Variants in ARK2C observed in about 807,000 individuals in gnomAD.
ARK2C encodes arkadia (RNF111) C-terminal like ring finger ubiquitin ligase 2C.
At chr18:46,445,899 A>G in the ARK2C span, among the ~76,000 whole-genome samples, 1 of 63,682 alleles carries the variant, frequency 1.6e-5, no homozygotes, top group Admixed American at 1.3e-4. Context: ...ACTTCTCCAT[A>G]TCCTTTTTTT....
At chr18:46,446,834 C>T in the ARK2C span, among the ~76,000 whole-genome samples, 3 of 152,040 alleles carry the variant, frequency 2.0e-5, no homozygotes, top group African/African-American at 7.2e-5. Context: ...TTATTCTTGT[C>T]AACCTGCACA....
chr18:46,454,432 G>A, the ARK2C span, among the ~76,000 whole-genome samples: 4 of 152,104 alleles, frequency 2.6e-5, no homozygotes, highest in Admixed American at 2.0e-4. Flanking sequence ...ACAATTATAC[G>A]GGACTATGGA....
the ARK2C span, among the ~76,000 whole-genome samples, chr18:46,428,366 G>A: frequency 6.6e-6 from 1 of 152,166 alleles, no homozygotes; most frequent in East Asian, 1.9e-4. Context: ...CTGAGATCGT[G>A]CCACTGCACT....
the ARK2C span, among the ~76,000 whole-genome samples, chr18:46,420,798 T>C: frequency 6.6e-6 from 1 of 151,554 alleles, no homozygotes; most frequent in East Asian, 1.9e-4. Context: ...TGAGCCTAGA[T>C]CGCATCATTG....
the ARK2C span, among the ~76,000 whole-genome samples, chr18:46,381,493 C>T: frequency 2.0e-5 from 3 of 152,160 alleles, no homozygotes; most frequent in Non-Finnish European, 4.4e-5. Flanking sequence ...TTCTCACGGT[C>T]CTTCTATTTC....
chr18:46,444,904 T>A, the ARK2C span, among the ~76,000 whole-genome samples: 1 of 152,186 alleles, frequency 6.6e-6, no homozygotes, highest in African/African-American at 2.4e-5. Flanking sequence ...AGAAGTTCCA[T>A]TGGCATCATT....
the ARK2C span, among the ~76,000 whole-genome samples, chr18:46,355,932 A>G: frequency 6.6e-6 from 1 of 152,294 alleles, no homozygotes; most frequent in Admixed American, 6.5e-5. Context: ...ATGATGATGC[A>G]GATGGGCCTC....
chr18:46,442,329 C>G, the ARK2C span, among the ~76,000 whole-genome samples: 3 of 151,986 alleles, frequency 2.0e-5, no homozygotes, highest in Non-Finnish European at 2.9e-5. Context: ...TTTGGGTTTT[C>G]TTTTCTAATA....
At chr18:46,434,375 A>T in the ARK2C span, among the ~76,000 whole-genome samples, 1 of 152,238 alleles carries the variant, frequency 6.6e-6, no homozygotes, top group Non-Finnish European at 1.5e-5. Flanking sequence ...CACCAATAAT[A>T]TATTTTTATG....
At chr18:46,341,896 G>C in the ARK2C span, among the ~76,000 whole-genome samples, 1 of 152,184 alleles carries the variant, frequency 6.6e-6, no homozygotes, top group East Asian at 1.9e-4. Context: ...CAAGTACCAG[G>C]AGCTTTGCCT....
At chr18:46,348,985 G>A in the ARK2C span, among the ~76,000 whole-genome samples, 3 of 150,872 alleles carry the variant, frequency 2.0e-5, no homozygotes, top group African/African-American at 4.9e-5. Flanking sequence ...GTTGCATGGA[G>A]CACAGTTTGG....
chr18:46,365,695 G>T, the ARK2C span, among the ~76,000 whole-genome samples: 9 of 152,190 alleles, frequency 5.9e-5, no homozygotes, highest in East Asian at 1.6e-3. Flanking sequence ...AGTAGAGATG[G>T]GGTTTCACAA....
At chr18:46,342,994 T>C in the ARK2C span, among the ~76,000 whole-genome samples, 3 of 152,276 alleles carry the variant, frequency 2.0e-5, no homozygotes, top group Admixed American at 6.5e-5. Flanking sequence ...CACATTCTGC[T>C]ATGCTGTTTT....
the ARK2C span, among the ~76,000 whole-genome samples, chr18:46,384,350 T>A: frequency 1.3e-4 from 20 of 152,188 alleles, no homozygotes; most frequent in Non-Finnish European, 2.4e-4. Context: ...TGTACATGTA[T>A]GTGTGTGGGG....
chr18:46,456,771 A>T, the ARK2C span: 1 of 710,098 alleles, frequency 1.4e-6, no homozygotes, highest in South Asian at 1.6e-5. Flanking sequence ...TGGAAAGAGG[A>T]GTTGGTGGTA....
the ARK2C span, among the ~76,000 whole-genome samples, chr18:46,370,418 G>T: frequency 1.6e-4 from 25 of 152,280 alleles, no homozygotes; most frequent in African/African-American, 5.8e-4. Context: ...CTTTACACAG[G>T]TCTAGTTCTC....
chr18:46,382,308 A>T, the ARK2C span, among the ~76,000 whole-genome samples: 1 of 152,152 alleles, frequency 6.6e-6, no homozygotes, highest in Admixed American at 6.5e-5. Flanking sequence ...TGCCTGGCCC[A>T]TGCTGTCAGA....
the ARK2C span, among the ~76,000 whole-genome samples, chr18:46,402,000 C>T: frequency 6.6e-6 from 1 of 152,244 alleles, no homozygotes; most frequent in Non-Finnish European, 1.5e-5. Flanking sequence ...ACTGCTCTCA[C>T]AAGTGGTTGG....
chr18:46,371,492 A>C, the ARK2C span, among the ~76,000 whole-genome samples: 1 of 152,110 alleles, frequency 6.6e-6, no homozygotes, highest in Non-Finnish European at 1.5e-5. Flanking sequence ...GTTAAGGGAG[A>C]AGTTAAAGGA....
Sources: allele counts gnomAD v4.1 joint callset (sites outside exome capture counted in the v4.1 genomes callset), GRCh38; gene constraint gnomAD v4.1.1; transcripts MANE v1.5; gene names NCBI Gene and HGNC (gene_info 2026-07-23, HGNC 2026-07-21).